Variants in DSP observed in about 807,000 individuals in gnomAD.
DSP encodes desmoplakin.
Under a neutral mutation model 290.6 loss-of-function variants are expected in DSP, and 114 were observed. The observed-to-expected ratio is 0.39, with a 90% CI of 0.34 to 0.46. The LOEUF is 0.46. Among genes scored for constraint, DSP ranks in the 20% least tolerant of loss-of-function variants. The probability of loss-of-function intolerance (pLI) is 0.99; values close to 1 mark genes in which losing one functional copy is unlikely to be tolerated. For missense variants in DSP, 3,230 were observed against 3,495.8 expected (o/e 0.92, Z 1.92); for synonymous variants, 1,311 against 1,316.4 (o/e 1.00, Z 0.09).
intron 2 of DSP, 136 bp downstream of exon 2, chr6:7,555,956 G>C (rs1758496499): frequency 1.3e-6 from 1 of 758,660 alleles, no homozygotes; most frequent in Middle Eastern, 3.0e-4. Context: ...TTTCAGAACA[G>C]ACTACAGAGA....
intron 15 of DSP, among the ~76,000 whole-genome samples, chr6:7,573,459 TCTCAGCTA>T (rs1759123196): frequency 6.6e-6 from 1 of 151,868 alleles, no homozygotes; most frequent in Admixed American, 6.6e-5. Flanking sequence ...GCGCCTGTAA[TCTCAGCTA>T]CTCAGGAGGC....
Position 7,580,924 on chromosome 6 carries a change from T to G in DSP, c.4734T>G (p.Asn1578Lys). The change falls in exon 23 of 24, where the codon AAT becomes AAG. Residue 1578 changes from asparagine (N) to lysine (K), a missense_variant. Asn to Lys is a moderately conservative substitution (Grantham distance 94, BLOSUM62 0). This residue lies in a region of DSP where 1,714 missense variants were observed against 1,844.5 expected (regional missense o/e 0.93). Transcript: ENST00000379802. This position sits in a 1 kb window ranked among gnomAD's most constrained non-coding sequence, Gnocchi z 4.2. ...AGCAGAAGGTGGAAGAGGAGCTGAA[T>G]CGGCTGAAGAGGACCGCGTCAGAAG... ...LQKQKVEEEL[N>K]RLKRTASEDS... 6.2e-7 allele frequency: 1 copy of G among 1,614,058 alleles called. No homozygotes were observed. The highest frequency in any genetic ancestry group is 8.5e-7 in the Non-Finnish European group (1 of 1,180,022).
At position 7,569,268 on chromosome 6, in the gene DSP, T is replaced by C. The variant is rs544017143; in HGVS notation, c.1502T>C (p.Val501Ala). Residue 501 changes from valine (V) to alanine (A), a missense_variant, in exon 12 of 24, where the codon GTT (valine) becomes GCT (alanine). By Grantham distance (64) the Val-to-Ala change is moderately conservative. Around this residue, in one of 5 missense-constraint regions of DSP, gnomAD observed 646 missense variants for 684.3 expected, o/e 0.94. Transcript: ENST00000379802. ...TGGTACGTGACGGGCCCGGGAGGCG[T>C]TGACATGCTTGTTCCCTCTGTGGGG... Reference protein sequence around the residue: ...SKWYVTGPGGVDMLVPSVGLI... With the variant: ...SKWYVTGPGGADMLVPSVGLI... 6 of 1,613,960 alleles carry C rather than the reference T, an allele frequency of 3.7e-6. No homozygotes were observed. Among genetic ancestry groups the C allele is most frequent in the Admixed American group, 1.7e-5 (1 of 59,986 alleles).
At chr6:7,559,752 C>T (rs1489193320) in intron 4 of DSP, among the ~76,000 whole-genome samples, 1 of 152,066 alleles carries the variant, frequency 6.6e-6, no homozygotes, top group Admixed American at 6.5e-5. Context: ...CTTCATTGTT[C>T]TATGTGAGTG....
chr6:7,583,625 A>T lies in DSP; in HGVS notation c.6363A>T (p.Gly2121=). The stretch of plus-strand genomic sequence containing the variant: ...AAAATTTGATTGATAGAGAAACCGG[A>T]ATGCGCCTGCTGGAAGCCCAGATTG... ...IKKNLIDRET[G]MRLLEAQIAS... The change falls in exon 24 of 24, where the codon GGA becomes GGT. Residue 2121 remains glycine, a synonymous_variant. Coordinates refer to ENST00000379802, the MANE Select transcript of DSP (RefSeq NM_004415.4). This position sits in a 1 kb window ranked among gnomAD's most constrained non-coding sequence, Gnocchi z 4.0. The T allele has an allele frequency of 6.2e-7, 1 of 1,614,172 alleles. No individual in the cohort carries two copies. Among genetic ancestry groups the T allele is most frequent in the African/African-American group, 1.3e-5 (1 of 75,032 alleles).
intron 14 of DSP, 74 bp from the exon 15 acceptor site, chr6:7,571,768 G>A: frequency 6.5e-7 from 1 of 1,534,510 alleles, no homozygotes; most frequent in Admixed American, 1.7e-5. Context: ...TAGGTAGTAT[G>A]GATGTTTTTT....
At chr6:7,556,236 A>G (rs1758503216) in intron 2 of DSP, among the ~76,000 whole-genome samples, 1 of 152,136 alleles carries the variant, frequency 6.6e-6, no homozygotes, top group African/African-American at 2.4e-5. Flanking sequence ...CTATATTGAG[A>G]TAACAATTCT....
Position 7,579,543 on chromosome 6 carries a change from T to C in DSP, c.3353T>C (p.Ile1118Thr). The change falls in exon 23 of 24, where the codon ATT becomes ACT. Residue 1118 changes from isoleucine to threonine, a missense_variant. Ile to Thr is a moderately conservative substitution (Grantham distance 89). Transcript: ENST00000379802. This position sits in a 1 kb window ranked among gnomAD's most constrained non-coding sequence, Gnocchi z 4.1. The part of the protein sequence containing the change: ...NEKITRLTYE[I>T]EDEKRRRKSV... Reference sequence around the variant, plus strand: ...AAGATCACCCGACTGACTTATGAGATTGAAGATGAAAAGAGAAGAAGAAAA... The same window carrying C: ...AAGATCACCCGACTGACTTATGAGACTGAAGATGAAAAGAGAAGAAGAAAA... 6.2e-7 allele frequency: 1 copy of C among 1,613,718 alleles called. No individual in the cohort carries two copies. The highest frequency in any genetic ancestry group is 1.3e-5 in the African/African-American group (1 of 74,922).
At position 7,580,637 on chromosome 6, in the gene DSP, A is replaced by G; in HGVS notation, c.4447A>G (p.Ile1483Val). Reference sequence around the variant, plus strand: ...AACCATCCAGGATAAAAACAAGGAGATAGAAAGGTTAAAACAACTGATCGA... The same window carrying G: ...AACCATCCAGGATAAAAACAAGGAGGTAGAAAGGTTAAAACAACTGATCGA... ...AKTIQDKNKE[I>V]ERLKQLIDKE... Residue 1483 changes from isoleucine (I) to valine (V), a missense_variant, in exon 23 of 24, where the codon ATA (isoleucine) becomes GTA (valine). Ile to Val is a conservative substitution (Grantham distance 29, BLOSUM62 3). Transcript: ENST00000379802. The surrounding 1 kb of genome is among the most constrained non-coding windows in gnomAD (Gnocchi z 4.2). 2.5e-6 allele frequency: 4 copies of G among 1,614,118 alleles called. No individual in the cohort carries two copies. Among genetic ancestry groups the G allele is most frequent in the Non-Finnish European group, 3.4e-6 (4 of 1,180,036 alleles).
At chr6:7,575,562 G>A in intron 18 of DSP, 74 bp downstream of exon 18, 2 of 1,574,896 alleles carry the variant, frequency 1.3e-6, no homozygotes, top group South Asian at 2.2e-5. Context: ...TCACTTGAAG[G>A]GAACCACTGA....
chr6:7,564,245 T>TAA (rs1487867031), intron 6 of DSP, among the ~76,000 whole-genome samples: 1 of 152,170 alleles, frequency 6.6e-6, no homozygotes, highest in African/African-American at 2.4e-5. Context: ...TAAGCAAAAA[T>TAA]AAAAGTTATT....
intron 1 of DSP, among the ~76,000 whole-genome samples, chr6:7,548,802 A>C (rs1758247996): frequency 6.6e-6 from 1 of 152,170 alleles, no homozygotes; most frequent in Non-Finnish European, 1.5e-5. Flanking sequence ...GAGCTTTTGA[A>C]ATCAGGGTAA....
At chr6:7,578,699 C>T (rs2113690301) in intron 22 of DSP, 137 bp downstream of exon 22, 1 of 702,944 alleles carries the variant, frequency 1.4e-6, no homozygotes, top group East Asian at 2.7e-5. Flanking sequence ...TGTAATACTG[C>T]TTGTTTGTAA....
At position 7,578,471 on chromosome 6, in the gene DSP, A is replaced by T. The variant is rs752344739; in HGVS notation, c.2993A>T (p.Asp998Val). Residue 998 changes from aspartate (D) to valine (V), a missense_variant, in exon 22 of 24, where the codon GAT becomes GTT. Asp to Val is a radical substitution (Grantham distance 152). This residue lies in a region of DSP where 1,714 missense variants were observed against 1,844.5 expected (regional missense o/e 0.93). Transcript: ENST00000379802. ...PSGVILQEAA[D>V]VHARYIELLT... ...TCCTTCCTTTTCTCCAAGGCTGCAGATGTTCATGCTCGGTACATTGAACTA... is the reference window on the plus strand; with the variant it reads ...TCCTTCCTTTTCTCCAAGGCTGCAGTTGTTCATGCTCGGTACATTGAACTA... The T allele has an allele frequency of 1.9e-6, 3 of 1,613,468 alleles. No homozygotes were observed. In the Admixed American group the frequency reaches 5.0e-5, roughly 27 times the overall value.
In DSP at chr6:7,565,763, C is replaced by T; in HGVS notation, c.939+243C>T. 1 of 516,336 alleles carries T rather than the reference C, an allele frequency of 1.9e-6. No homozygotes were observed. Among genetic ancestry groups the T allele is most frequent in the South Asian group, 2.0e-5 (1 of 50,300 alleles). The allele number at this position is 516,336 out of a possible 1,614,324, so 32.0% of individuals were successfully genotyped here. A position where few individuals can be genotyped will look rare whatever the true frequency, so the allele number is the denominator to read the frequency against. On this transcript the variant is annotated intron_variant, in intron 7 of 23. Coordinates refer to ENST00000379802, the MANE Select transcript of DSP (RefSeq NM_004415.4). The surrounding 1 kb of genome is among the most constrained non-coding windows in gnomAD (Gnocchi z 4.2). ...ACATGTTCTCACTTAGGAGTGGGAA[C>T]TAAATGATGAGAATACATGGATACA...
At position 7,571,883 on chromosome 6, in the gene DSP, G is replaced by A. The variant is rs2113679772; in HGVS notation, c.1945G>A (p.Val649Ile). The A allele has an allele frequency of 6.2e-7, 1 of 1,613,878 alleles. No homozygotes were observed. The highest frequency in any genetic ancestry group is 8.5e-7 in the Non-Finnish European group (1 of 1,180,028). Residue 649 changes from valine (V) to isoleucine (I), a missense_variant, in exon 15 of 24, where the codon GTC becomes ATC. Coordinates refer to ENST00000379802, the MANE Select transcript of DSP (RefSeq NM_004415.4). ...CACTCATCATGGAACCTGCCAAGATGTCAACCATAATAAAGTAATTGAAAC... is the reference window on the plus strand; with the variant it reads ...CACTCATCATGGAACCTGCCAAGATATCAACCATAATAAAGTAATTGAAAC... ...EITHHGTCQD[V>I]NHNKVIETNR...
rs2076297 is a variant in DSP at position 7,568,121 on chromosome 6, G to T, written c.1266+215G>T. On this transcript the variant is annotated intron_variant, in intron 10 of 23. Coordinates refer to ENST00000379802, the MANE Select transcript of DSP (RefSeq NM_004415.4). ...TACTTTTGCTTCAGTCTGGGCAATT[G>T]GTTGAAAATAAGAACAGAGAGAACA... 0.78 allele frequency among the ~76,000 whole-genome samples: 117,945 copies of T among 152,146 alleles called. 45,864 individuals carry two copies. Among genetic ancestry groups the T allele is most frequent in the East Asian group, 0.81 (4,211 of 5,180 alleles).
Position 7,565,098 on chromosome 6 carries a change from C to G in DSP, c.778-261C>G, listed in dbSNP as rs925914807. Among the ~76,000 whole-genome samples, 5 of 152,016 alleles carry G rather than the reference C, an allele frequency of 3.3e-5. No homozygotes were observed. Among genetic ancestry groups the G allele is most frequent in the African/African-American group, 1.2e-4 (5 of 41,380 alleles). ...GGGGGAGGTTGCAGTGAACCGAGATCGCTCATGCCACTGCACTCCAGCCTG... is the reference window on the plus strand; with the variant it reads ...GGGGGAGGTTGCAGTGAACCGAGATGGCTCATGCCACTGCACTCCAGCCTG... On this transcript the variant is annotated intron_variant, in intron 6 of 23. Coordinates refer to ENST00000379802, the MANE Select transcript of DSP (RefSeq NM_004415.4). This position sits in a 1 kb window ranked among gnomAD's most constrained non-coding sequence, Gnocchi z 4.2.
Position 7,575,311 on chromosome 6 carries a change from T to G in DSP, c.2453T>G (p.Leu818Trp). 3.1e-6 allele frequency: 5 copies of G among 1,614,120 alleles called. No individual in the cohort carries two copies. The highest frequency in any genetic ancestry group is 4.2e-6 in the Non-Finnish European group (5 of 1,180,018). ...ATCTTGCAGAAAATAAAAAATGACT[T>G]GAACTTGAAGAAGTCGTTGTTGGCC... ...RCGLKKIKND[L>W]NLKKSLLATM... The change falls in exon 18 of 24, where the codon TTG (leucine) becomes TGG (tryptophan). Residue 818 changes from leucine to tryptophan, a missense_variant. Physicochemically the swap from Leu to Trp is moderately conservative, Grantham distance 61. Around this residue, in one of 5 missense-constraint regions of DSP, gnomAD observed 1,714 missense variants for 1,844.5 expected, o/e 0.93. Coordinates refer to ENST00000379802, the MANE Select transcript of DSP (RefSeq NM_004415.4).
Sources: allele counts gnomAD v4.1 joint callset (sites outside exome capture counted in the v4.1 genomes callset), GRCh38; gene constraint gnomAD v4.1.1; regional missense constraint gnomAD v4.1.1; non-coding constraint Gnocchi (gnomAD v3.1); transcripts MANE v1.5; gene names NCBI Gene and HGNC (gene_info 2026-07-23, HGNC 2026-07-21).